SCAND3: variants seen among roughly 807,000 people sequenced by gnomAD.
The protein encoded by SCAND3 is SCAN domain containing 3.
At chr6:28,602,302 C>T in the SCAND3 span, among the ~76,000 whole-genome samples, 2 of 152,218 alleles carry the variant, frequency 1.3e-5, no homozygotes, top group South Asian at 2.1e-4. Flanking sequence ...CTTGGCCTCC[C>T]GGGTCAAGTG....
At chr6:28,610,096 C>T in the SCAND3 span, among the ~76,000 whole-genome samples, 2 of 151,994 alleles carry the variant, frequency 1.3e-5, no homozygotes, top group Non-Finnish European at 2.9e-5. Flanking sequence ...TGGTGGCAGG[C>T]GCCTGTAATC....
chr6:28,607,904 T>C, the SCAND3 span, among the ~76,000 whole-genome samples: 1 of 152,114 alleles, frequency 6.6e-6, no homozygotes, highest in Non-Finnish European at 1.5e-5. Context: ...ATAAATGACA[T>C]GTTTTTGGGA....
At chr6:28,593,715 T>A in the SCAND3 span, 2 of 152,202 alleles carry the variant, frequency 1.3e-5, no homozygotes, top group Admixed American at 6.5e-5. Context: ...TTGTTTTGCT[T>A]TTTGTTTTGA....
chr6:28,593,875 T>C, the SCAND3 span, among the ~76,000 whole-genome samples: 3 of 152,120 alleles, frequency 2.0e-5, no homozygotes, highest in Admixed American at 2.0e-4. Flanking sequence ...CCGCTGATCT[T>C]TATTTATTTT....
chr6:28,584,299 G>C, the SCAND3 span, among the ~76,000 whole-genome samples: 1 of 151,944 alleles, frequency 6.6e-6, no homozygotes, highest in Non-Finnish European at 1.5e-5. Context: ...ACTACTGGAG[G>C]GTGGCTTGGT....
chr6:28,610,518 T>C, the SCAND3 span, among the ~76,000 whole-genome samples: 1 of 149,378 alleles, frequency 6.7e-6, no homozygotes, highest in Non-Finnish European at 1.5e-5. Context: ...AACAAAACTC[T>C]GAAAAAAGAA....
chr6:28,575,739 T>C, the SCAND3 span: 10 of 1,614,102 alleles, frequency 6.2e-6, no homozygotes, highest in Non-Finnish European at 8.5e-6. This position sits in a 1 kb window ranked among gnomAD's most constrained non-coding sequence, Gnocchi z 4.2. Context: ...TGCGAGTACG[T>C]CCACCATGTC....
chr6:28,581,909 AAGTGTCTGCC>A, the SCAND3 span, among the ~76,000 whole-genome samples: 1 of 152,252 alleles, frequency 6.6e-6, no homozygotes, highest in Admixed American at 6.5e-5. Context: ...TGGCAGCTAA[AAGTGTCTGCC>A]AGTGGTATTT....
chr6:28,595,449 G>A, the SCAND3 span, among the ~76,000 whole-genome samples: 1 of 151,840 alleles, frequency 6.6e-6, no homozygotes, highest in Non-Finnish European at 1.5e-5. Context: ...TAGGCCAGGT[G>A]CAGTGGCTCA....
chr6:28,573,271 G>A, the SCAND3 span: 7 of 1,614,044 alleles, frequency 4.3e-6, no homozygotes, highest in East Asian at 1.6e-4. Context: ...TCGAGCTATG[G>A]TGTCATTGGA....
the SCAND3 span, among the ~76,000 whole-genome samples, chr6:28,607,360 A>T: frequency 6.6e-6 from 1 of 152,148 alleles, no homozygotes; most frequent in Non-Finnish European, 1.5e-5. Context: ...AGTGTTAAGT[A>T]TCTGTATCGA....
At chr6:28,576,099 C>T in the SCAND3 span, 1 of 1,599,566 alleles carries the variant, frequency 6.3e-7, no homozygotes, top group Non-Finnish European at 8.5e-7. Flanking sequence ...TATCACCACC[C>T]ATGCTTTGAG....
the SCAND3 span, chr6:28,586,584 G>A: frequency 5.6e-6 from 9 of 1,614,224 alleles, no homozygotes; most frequent in East Asian, 2.2e-5. The surrounding 1 kb of genome is among the most constrained non-coding windows in gnomAD (Gnocchi z 4.4). Context: ...CCTGGTATAA[G>A]ACAAATTCCT....
At chr6:28,609,908 T>C in the SCAND3 span, among the ~76,000 whole-genome samples, 1 of 152,198 alleles carries the variant, frequency 6.6e-6, no homozygotes, top group Non-Finnish European at 1.5e-5. Flanking sequence ...AAAATTCTCC[T>C]GGACAAACTG....
the SCAND3 span, among the ~76,000 whole-genome samples, chr6:28,608,223 T>C: frequency 5.3e-5 from 8 of 152,352 alleles, no homozygotes; most frequent in Admixed American, 4.6e-4. Flanking sequence ...ATAACGGCTA[T>C]GACGCACTGC....
chr6:28,602,451 G>T, the SCAND3 span, among the ~76,000 whole-genome samples: 2 of 152,172 alleles, frequency 1.3e-5, no homozygotes, highest in African/African-American at 4.8e-5. Flanking sequence ...CAGGTGATTT[G>T]CCCGCCTCAG....
the SCAND3 span, chr6:28,590,844 C>G: frequency 6.6e-6 from 1 of 152,146 alleles, no homozygotes; most frequent in Non-Finnish European, 1.5e-5. Flanking sequence ...GTTATGTGTG[C>G]TTGATTGTAC....
the SCAND3 span, among the ~76,000 whole-genome samples, chr6:28,599,314 C>A: frequency 6.6e-6 from 1 of 152,126 alleles, no homozygotes; most frequent in East Asian, 1.9e-4. Flanking sequence ...CAAACGAACT[C>A]GAAATTTATA....
chr6:28,608,789 A>T, the SCAND3 span, among the ~76,000 whole-genome samples: 1 of 152,152 alleles, frequency 6.6e-6, no homozygotes, highest in Non-Finnish European at 1.5e-5. Flanking sequence ...GCTTGAGCCC[A>T]GGAGTTCTAG....
Sources: gnomAD v4.1 joint callset for allele counts (sites outside exome capture counted in the v4.1 genomes callset) on GRCh38, gnomAD v4.1.1 for gene constraint, Gnocchi (gnomAD v3.1) non-coding constraint, MANE v1.5 for transcripts, NCBI Gene and HGNC (gene_info 2026-07-23, HGNC 2026-07-21) for gene names.